The following PRRG1 variants were observed in gnomAD, a reference collection of about 807,000 sequenced individuals.
The protein encoded by PRRG1 is proline rich and Gla domain 1, also known as transmembrane gamma-carboxyglutamic acid protein 1.
In PRRG1, 5 loss-of-function variants were observed where a neutral mutation model predicts 11.8. The observed-to-expected ratio is 0.42, with a 90% confidence interval of 0.22 to 0.89. The LOEUF (loss-of-function observed/expected upper bound fraction) is 0.89, where lower values mean the gene tolerates loss of function less well. PRRG1 is among the 40% of genes least tolerant of loss of function. The pLI is 0.28. For synonymous variants in PRRG1, 66 were observed against 60.4 expected, an observed-to-expected ratio of 1.09 and a Z score of -0.43; for missense variants, 155 against 166.1, an observed-to-expected ratio of 0.93 and a Z score of 0.37.
At position 37,425,824 on chromosome X, in the gene PRRG1, T is replaced by C. The variant is rs1932764967; in HGVS notation, c.11-16T>C. The C allele has an allele frequency of 1.7e-6, 2 of 1,158,155 alleles. No individual in the cohort carries two copies. Among genetic ancestry groups the C allele is most frequent in the Non-Finnish European group, 2.3e-6 (2 of 865,689 alleles). On this transcript the variant is annotated splice_polypyrimidine_tract_variant and intron_variant, in intron 2 of 3. Coordinates refer to ENST00000378628, the MANE Select transcript of PRRG1 (RefSeq NM_001142395.2). ...AACTTGCCACATAGGTTTTTTATAC[T>C]TATATTTCTTTTTAGTTTTCCTCAC...
At chrX:37,422,438 T>A (rs1556387311) in intron 2 of PRRG1, among the ~76,000 whole-genome samples, 1 of 111,754 alleles carries the variant, frequency 8.9e-6, no homozygotes, top group African/African-American at 3.3e-5. Flanking sequence ...ATCCATTTTC[T>A]ATGGCAAACA....
intron 1 of PRRG1, among the ~76,000 whole-genome samples, chrX:37,367,536 C>G (rs1556369755): frequency 1.8e-5 from 2 of 111,657 alleles, no homozygotes; most frequent in African/African-American, 6.5e-5. Context: ...GACTCTTGAC[C>G]AGCCACTGGG....
intron 2 of PRRG1, among the ~76,000 whole-genome samples, chrX:37,415,090 C>T (rs1272747936): frequency 2.7e-5 from 3 of 111,931 alleles, no homozygotes; most frequent in Non-Finnish European, 3.8e-5. Flanking sequence ...GCATCTAGAT[C>T]GTATATGTAT....
chrX:37,427,752 C>T (rs1158150004), intron 3 of PRRG1, among the ~76,000 whole-genome samples: 8 of 111,792 alleles, frequency 7.2e-5, no homozygotes, highest in African/African-American at 6.5e-5. Context: ...ATATAACGTC[C>T]TCCAGGTCTA....
At chrX:37,401,608 C>T (rs1556380297) in intron 1 of PRRG1, among the ~76,000 whole-genome samples, 2 of 110,542 alleles carry the variant, frequency 1.8e-5, no homozygotes, top group Non-Finnish European at 3.8e-5. Context: ...CACTCCTATT[C>T]AACATAGTGT....
At chrX:37,418,034 T>C (rs782057657) in intron 2 of PRRG1, among the ~76,000 whole-genome samples, 1 of 112,210 alleles carries the variant, frequency 8.9e-6, no homozygotes, top group African/African-American at 3.2e-5. Context: ...TGGTTACAAC[T>C]GAAAGTACTT....
chrX:37,412,572 CT>C (rs1387387567), intron 2 of PRRG1, among the ~76,000 whole-genome samples: 15 of 110,842 alleles, frequency 1.4e-4, no homozygotes, highest in Middle Eastern at 4.7e-3. Context: ...ATTCAGGCCT[CT>C]TTAGTTTAGA....
At chrX:37,432,405 G>A (rs980769246) in intron 3 of PRRG1, among the ~76,000 whole-genome samples, 1 of 111,731 alleles carries the variant, frequency 9.0e-6, no homozygotes, top group Non-Finnish European at 1.9e-5. Flanking sequence ...TGTTTTTAAT[G>A]CCTACATTTC....
intron 3 of PRRG1, among the ~76,000 whole-genome samples, chrX:37,440,105 TAATTAAA>T (rs1485944832): frequency 9.0e-6 from 1 of 111,699 alleles, no homozygotes; most frequent in Admixed American, 9.5e-5. Context: ...TGACCTCTAC[TAATTAAA>T]AATTCTTTAG....
intron 3 of PRRG1, chrX:37,441,505 C>T (rs1932977927): frequency 1.3e-6 from 1 of 756,798 alleles, no homozygotes; most frequent in Admixed American, 8.5e-5. Context: ...CTGCTCACCA[C>T]ATCCCAAGGT....
chrX:37,390,040 C>G (rs1556376201), intron 1 of PRRG1, among the ~76,000 whole-genome samples: 1 of 111,756 alleles, frequency 8.9e-6, no homozygotes, highest in Non-Finnish European at 1.9e-5. Context: ...TTATTGCTCA[C>G]AGTTCTGGAA....
At position 37,350,858 on chromosome X, in the gene PRRG1, TG is replaced by T. The variant is rs1930037530; in HGVS notation, c.-42+1465del. Among the ~76,000 whole-genome samples the T allele has an allele frequency of 2.7e-5, 3 of 109,548 alleles. No homozygotes were observed. In the South Asian group the frequency reaches 1.2e-3, roughly 45 times the overall value. On this transcript the variant is annotated intron_variant, in intron 1 of 3. Transcript: ENST00000378628. ...GGCATGAGGTGAACAGGATTTCTTCTGGTTTTATTGTTATGTTATTCTTTCT... is the reference window on the plus strand; with the variant it reads ...GGCATGAGGTGAACAGGATTTCTTCTGTTTTATTGTTATGTTATTCTTTCT...
chrX:37,394,885 A>G (rs1431681507), intron 1 of PRRG1, among the ~76,000 whole-genome samples: 1 of 111,377 alleles, frequency 9.0e-6, no homozygotes, highest in Non-Finnish European at 1.9e-5. Flanking sequence ...TACAAAATAT[A>G]CCTTATATCA....
At chrX:37,417,553 C>A (rs1602018701) in intron 2 of PRRG1, among the ~76,000 whole-genome samples, 1 of 111,632 alleles carries the variant, frequency 9.0e-6, no homozygotes, top group East Asian at 2.8e-4. Flanking sequence ...CATATTTCCA[C>A]CTTCCTAAGT....
At chrX:37,449,562 A>G (rs1556396030) in intron 3 of PRRG1, among the ~76,000 whole-genome samples, 1 of 112,253 alleles carries the variant, frequency 8.9e-6, no homozygotes, top group African/African-American at 3.2e-5. Flanking sequence ...ACAGGATGAA[A>G]CGTCTACCTC....
chrX:37,377,955 CT>C (rs1556372870), intron 1 of PRRG1, among the ~76,000 whole-genome samples: 1 of 111,399 alleles, frequency 9.0e-6, no homozygotes, highest in Non-Finnish European at 1.9e-5. Flanking sequence ...TGTATGCAGC[CT>C]TTTTCTCCTT....
chrX:37,397,750 T>C (rs917657732), intron 1 of PRRG1, among the ~76,000 whole-genome samples: 1 of 110,835 alleles, frequency 9.0e-6, no homozygotes, highest in Non-Finnish European at 1.9e-5. Flanking sequence ...GAGTGTAGTA[T>C]AACTATTAAG....
At chrX:37,350,911 G>A (rs1930039284) in intron 1 of PRRG1, among the ~76,000 whole-genome samples, 2 of 110,679 alleles carry the variant, frequency 1.8e-5, no homozygotes, top group African/African-American at 6.6e-5. Context: ...ATTTGGGGCA[G>A]GTGGAGGGCG....
At chrX:37,392,779 T>TG (rs1229259124) in intron 1 of PRRG1, among the ~76,000 whole-genome samples, 2 of 111,253 alleles carry the variant, frequency 1.8e-5, no homozygotes, top group African/African-American at 6.5e-5. Flanking sequence ...CATCTTTTCC[T>TG]GCCTTATTTT....
Sources: allele counts gnomAD v4.1 joint callset (sites outside exome capture counted in the v4.1 genomes callset), GRCh38; gene constraint gnomAD v4.1.1; transcripts MANE v1.5; gene names NCBI Gene and HGNC (gene_info 2026-07-23, HGNC 2026-07-21).